Variants in ACOXL observed in about 807,000 individuals in gnomAD.
The protein encoded by ACOXL is acyl-coenzyme A oxidase-like protein.
Under a neutral mutation model 71.9 loss-of-function variants are expected in ACOXL, and 70 were observed. The ratio of observed to expected loss-of-function variants is 0.97; its 90% confidence interval spans 0.80 to 1.19. The LOEUF is 1.19. ACOXL is among the 50% of genes most tolerant of loss of function. The pLI, the probability that ACOXL is intolerant of heterozygous loss-of-function variation, is 0.00. For synonymous variants in ACOXL, 253 were observed against 281.6 expected (o/e 0.90, Z 1.02); for missense variants, 703 against 736.3 (o/e 0.95, Z 0.52).
At chr2:110,940,881 C>T (rs946994357) in intron 12 of ACOXL, among the ~76,000 whole-genome samples, 6 of 152,158 alleles carry the variant, frequency 3.9e-5, no homozygotes, top group East Asian at 1.9e-4. Context: ...GAGGTAGACA[C>T]GTGCAGAGTA....
intron 14 of ACOXL, among the ~76,000 whole-genome samples, chr2:111,020,316 G>A (rs1021781519): frequency 3.3e-5 from 5 of 152,266 alleles, no homozygotes; most frequent in Middle Eastern, 3.4e-3. Context: ...TCAGAGCAGC[G>A]CTCGCATGGC....
chr2:110,760,037 T>C (rs1680184154), intron 1 of ACOXL, among the ~76,000 whole-genome samples: 1 of 152,146 alleles, frequency 6.6e-6, no homozygotes, highest in Non-Finnish European at 1.5e-5. Flanking sequence ...TTGATTTCTT[T>C]TATTGTGTAT....
chr2:110,812,773 C>G (rs530269200), intron 9 of ACOXL, among the ~76,000 whole-genome samples: 71 of 152,342 alleles, frequency 4.7e-4, no homozygotes, highest in African/African-American at 1.7e-3. Context: ...TGCTTCGATT[C>G]CACGAAGACG....
chr2:111,118,152 C>T lies in ACOXL; in HGVS notation c.*336C>T. On this transcript the variant is annotated 3_prime_UTR_variant, in exon 18 of 18. Coordinates refer to ENST00000439055, the MANE Select transcript of ACOXL (RefSeq NM_001142807.4). Reference sequence around the variant, plus strand: ...AGCGCGCCCCACAGCCGGGTGCCGCCAAAGGTCTCCTGCTGTTAGCGGTGA... The same window carrying T: ...AGCGCGCCCCACAGCCGGGTGCCGCTAAAGGTCTCCTGCTGTTAGCGGTGA... The T allele has an allele frequency of 2.3e-6, 1 of 437,210 alleles. No individual in the cohort carries two copies. Among genetic ancestry groups the T allele is most frequent in the East Asian group, 4.3e-5 (1 of 23,028 alleles). The allele number at this position is 437,210 out of a possible 1,614,324, so 27.1% of individuals were successfully genotyped here. A position where few individuals can be genotyped will look rare whatever the true frequency, so the allele number is the denominator to read the frequency against.
intron 17 of ACOXL, among the ~76,000 whole-genome samples, chr2:111,109,671 ATTTTTTTTTTTT>A (rs869081161): frequency 1.3e-5 from 1 of 75,644 alleles, no homozygotes; most frequent in Non-Finnish European, 2.4e-5. Flanking sequence ...TTCTCCTTCT[ATTTTTTTTTTTT>A]TTTTTTTTTT....
At chr2:110,833,666 G>A (rs1690113979) in intron 9 of ACOXL, among the ~76,000 whole-genome samples, 1 of 152,124 alleles carries the variant, frequency 6.6e-6, no homozygotes, top group South Asian at 2.1e-4. Flanking sequence ...TAAACAGCCT[G>A]ATTTAAAAAA....
At chr2:111,048,103 T>C (rs1012818460) in intron 15 of ACOXL, among the ~76,000 whole-genome samples, 60 of 152,362 alleles carry the variant, frequency 3.9e-4, no homozygotes, top group African/African-American at 1.4e-3. Flanking sequence ...ATGCTTGAGG[T>C]CAAATCATTG....
chr2:110,836,905 G>A (rs963873010), intron 9 of ACOXL, among the ~76,000 whole-genome samples: 19 of 152,228 alleles, frequency 1.2e-4, no homozygotes, highest in African/African-American at 4.1e-4. Flanking sequence ...GGTTGCAGGC[G>A]GGCGGCCTCC....
intron 9 of ACOXL, among the ~76,000 whole-genome samples, chr2:110,827,229 T>A (rs944862491): frequency 2.0e-5 from 3 of 152,152 alleles, no homozygotes; most frequent in African/African-American, 4.8e-5. Flanking sequence ...ACACAGGCAC[T>A]GACACCCACA....
chr2:110,865,718 C>G (rs1433853990), intron 10 of ACOXL, among the ~76,000 whole-genome samples: 1 of 152,186 alleles, frequency 6.6e-6, no homozygotes, highest in African/African-American at 2.4e-5. Flanking sequence ...GTGTGTGTTT[C>G]CAGACGATTT....
chr2:111,047,297 G>A (rs530962139), intron 15 of ACOXL, among the ~76,000 whole-genome samples: 2 of 152,350 alleles, frequency 1.3e-5, no homozygotes, highest in South Asian at 4.1e-4. Context: ...TATGAACACA[G>A]GGTCACCACA....
intron 9 of ACOXL, among the ~76,000 whole-genome samples, chr2:110,818,094 G>A (rs1688129024): frequency 7.3e-6 from 1 of 137,128 alleles, no homozygotes; most frequent in Non-Finnish European, 1.6e-5. Flanking sequence ...GAGGTGCTGA[G>A]AGTACAAAAA....
At chr2:110,963,104 A>G (rs2061767373) in intron 12 of ACOXL, among the ~76,000 whole-genome samples, 1 of 152,208 alleles carries the variant, frequency 6.6e-6, no homozygotes, top group Non-Finnish European at 1.5e-5. Context: ...AGGAAAAAAA[A>G]ATACTGGAGT....
chr2:110,867,788 A>G (rs1694787170), intron 10 of ACOXL, among the ~76,000 whole-genome samples: 1 of 151,728 alleles, frequency 6.6e-6, no homozygotes, highest in East Asian at 1.9e-4. Context: ...TTTGAGATGG[A>G]GTTTTGCTCT....
intron 14 of ACOXL, among the ~76,000 whole-genome samples, chr2:111,005,680 C>T (rs1343255368): frequency 6.6e-6 from 1 of 152,194 alleles, no homozygotes; most frequent in Non-Finnish European, 1.5e-5. Flanking sequence ...GGAGTCTCAC[C>T]TTAGTTCTCT....
intron 12 of ACOXL, among the ~76,000 whole-genome samples, chr2:110,942,611 C>T (rs886159071): frequency 9.2e-5 from 14 of 151,990 alleles, no homozygotes; most frequent in Admixed American, 5.9e-4. Flanking sequence ...TGTGGCCAGG[C>T]GCCATGGTTC....
chr2:110,800,056 G>A (rs1039652307), intron 7 of ACOXL, among the ~76,000 whole-genome samples: 3 of 152,166 alleles, frequency 2.0e-5, no homozygotes, highest in African/African-American at 7.2e-5. Flanking sequence ...GGACAAATAA[G>A]CAAAGAAAAG....
At chr2:111,020,559 G>A (rs756427270) in intron 14 of ACOXL, among the ~76,000 whole-genome samples, 4 of 152,234 alleles carry the variant, frequency 2.6e-5, no homozygotes, top group Non-Finnish European at 5.9e-5. Context: ...GTTCAGGATA[G>A]CGGGAAGCCG....
chr2:111,011,655 G>C (rs1432444586), intron 14 of ACOXL, among the ~76,000 whole-genome samples: 1 of 152,094 alleles, frequency 6.6e-6, no homozygotes, highest in Non-Finnish European at 1.5e-5. Flanking sequence ...GGCTAAGGTG[G>C]GCAGATCGCT....
Sources: allele counts gnomAD v4.1 joint callset (sites outside exome capture counted in the v4.1 genomes callset), GRCh38; gene constraint gnomAD v4.1.1; transcripts MANE v1.5; gene names NCBI Gene and HGNC (gene_info 2026-07-23, HGNC 2026-07-21).